DLG2: variants seen among roughly 807,000 people sequenced by gnomAD.
DLG2 encodes the protein discs large MAGUK scaffold protein 2.
DLG2 carries 45 observed loss-of-function variants against 132.5 expected under a neutral mutation model. The ratio of observed to expected loss-of-function variants is 0.34; its 90% CI spans 0.27 to 0.44. The LOEUF (loss-of-function observed/expected upper bound fraction) is 0.44. Among genes scored for constraint, DLG2 ranks in the 20% least tolerant of loss-of-function variants. DLG2 has a pLI of 1.00. For synonymous variants in DLG2, 424 were observed against 419.6 expected (o/e 1.01, Z -0.13); for missense variants, 1,045 against 1,196.9 (o/e 0.87, Z 1.87).
At chr11:85,441,974 A>C (rs1234174372) in intron 3 of DLG2, among the ~76,000 whole-genome samples, 1 of 152,170 alleles carries the variant, frequency 6.6e-6, no homozygotes, top group Non-Finnish European at 1.5e-5. Flanking sequence ...GACCAGAATG[A>C]TGAGAAGAAA....
intron 14 of DLG2, among the ~76,000 whole-genome samples, chr11:83,933,046 G>C (rs186867760): frequency 3.7e-4 from 57 of 152,248 alleles, no homozygotes; most frequent in African/African-American, 1.3e-3. Context: ...CCTAATACTG[G>C]GAGCCAGCAT....
chr11:84,137,642 C>T (rs1007736407), intron 9 of DLG2, among the ~76,000 whole-genome samples: 9 of 152,120 alleles, frequency 5.9e-5, no homozygotes, highest in Non-Finnish European at 1.2e-4. Context: ...GGGCACTCAA[C>T]ATAAACTAAT....
chr11:84,675,430 G>A (rs538715194), intron 6 of DLG2, among the ~76,000 whole-genome samples: 4 of 152,130 alleles, frequency 2.6e-5, no homozygotes, highest in East Asian at 1.9e-4. Flanking sequence ...TCAGGGATTC[G>A]AAGATATTTT....
chr11:84,371,237 A>T (rs1222327556), intron 7 of DLG2, among the ~76,000 whole-genome samples: 1 of 151,628 alleles, frequency 6.6e-6, no homozygotes, highest in East Asian at 1.9e-4. Flanking sequence ...AAAAGAAAAA[A>T]AATACATGTA....
chr11:85,142,538 A>G (rs1238728076), intron 5 of DLG2, among the ~76,000 whole-genome samples: 1 of 151,754 alleles, frequency 6.6e-6, no homozygotes, highest in Admixed American at 6.6e-5. Flanking sequence ...TTTCATTCCA[A>G]TTTGGATGCC....
chr11:84,827,666 T>A (rs2078494043), intron 6 of DLG2, among the ~76,000 whole-genome samples: 2 of 43,068 alleles, frequency 4.6e-5, no homozygotes, highest in Admixed American at 3.3e-4. Context: ...TGGAACTGAG[T>A]ACATACAGTC....
chr11:84,255,355 G>A (rs576525311), intron 7 of DLG2, among the ~76,000 whole-genome samples: 12 of 152,086 alleles, frequency 7.9e-5, no homozygotes, highest in African/African-American at 1.7e-4. Flanking sequence ...ATGGGGTCTC[G>A]CTCTATCACC....
chr11:85,458,376 C>T (rs966616805), intron 3 of DLG2, among the ~76,000 whole-genome samples: 2 of 152,086 alleles, frequency 1.3e-5, no homozygotes, highest in Admixed American at 1.3e-4. Context: ...TGGACTTTGA[C>T]ATTGTTTTCA....
intron 3 of DLG2, among the ~76,000 whole-genome samples, chr11:85,400,151 T>C (rs997961576): frequency 6.6e-6 from 1 of 152,136 alleles, no homozygotes; most frequent in East Asian, 1.9e-4. Context: ...CAAAAGAAGA[T>C]ATTTATGCAG....
intron 4 of DLG2, among the ~76,000 whole-genome samples, chr11:85,197,283 T>G (rs1305589220): frequency 6.6e-6 from 1 of 152,204 alleles, no homozygotes; most frequent in Non-Finnish European, 1.5e-5. Context: ...TCTGTTTTTT[T>G]CTTGATCCTA....
intron 3 of DLG2, among the ~76,000 whole-genome samples, chr11:85,488,549 A>G (rs534861181): frequency 6.6e-6 from 1 of 152,318 alleles, no homozygotes; most frequent in African/African-American, 2.4e-5. Flanking sequence ...GCAGTGTGAA[A>G]ACGGACCAAT....
chr11:85,432,179 C>A (rs1366898470), intron 3 of DLG2, among the ~76,000 whole-genome samples: 1 of 152,180 alleles, frequency 6.6e-6, no homozygotes, highest in African/African-American at 2.4e-5. Flanking sequence ...GATCAGCAGC[C>A]TCAAAGATCG....
At chr11:84,711,025 TATATATAG>T (rs1565735135) in intron 6 of DLG2, among the ~76,000 whole-genome samples, 8 of 100,510 alleles carry the variant, frequency 8.0e-5, no homozygotes, top group Admixed American at 4.5e-4. Flanking sequence ...TATATATATA[TATATATAG>T]AGCTGAAAAA....
chr11:84,757,781 C>T (rs562352571), intron 6 of DLG2, among the ~76,000 whole-genome samples: 18 of 152,224 alleles, frequency 1.2e-4, no homozygotes, highest in African/African-American at 4.3e-4. Flanking sequence ...CCCACCATGC[C>T]ATGTTGCTTC....
In DLG2 at chr11:84,463,195, A is replaced by C. The variant is rs370059186; in HGVS notation, c.519+71375T>G. Reference sequence around the variant, plus strand: ...TTTGCTTTCCTACTTTCCAGTGCTTAATTCTTTTCTCTTACCAGGCAGTGT... The same window carrying C: ...TTTGCTTTCCTACTTTCCAGTGCTTCATTCTTTTCTCTTACCAGGCAGTGT... On this transcript the variant is annotated intron_variant, in intron 7 of 27. Coordinates refer to ENST00000376104, the MANE Select transcript of DLG2 (RefSeq NM_001142699.3). 2.0e-5 allele frequency among the ~76,000 whole-genome samples: 3 copies of C among 151,154 alleles called. No individual in the cohort carries two copies. The East Asian group carries it at 5.9e-4, about 30-fold the overall frequency.
chr11:84,178,340 C>G (rs1451251198), intron 8 of DLG2, among the ~76,000 whole-genome samples: 1 of 152,084 alleles, frequency 6.6e-6, no homozygotes, highest in Non-Finnish European at 1.5e-5. Context: ...TTTAACAGAA[C>G]AATTTGGGTA....
At chr11:84,873,959 C>A (rs139634795) in intron 6 of DLG2, among the ~76,000 whole-genome samples, 90 of 152,314 alleles carry the variant, frequency 5.9e-4, no homozygotes, top group Middle Eastern at 3.4e-3. Flanking sequence ...CATCACCCTT[C>A]ACCTTACTGA....
intron 14 of DLG2, among the ~76,000 whole-genome samples, chr11:83,945,960 T>G (rs1054688446): frequency 5.3e-5 from 8 of 150,228 alleles, no homozygotes; most frequent in Non-Finnish European, 1.2e-4. Flanking sequence ...TTCCTTTCCT[T>G]CCTTCCTTTT....
At chr11:85,221,205 G>C (rs976998578) in intron 4 of DLG2, among the ~76,000 whole-genome samples, 3 of 151,888 alleles carry the variant, frequency 2.0e-5, no homozygotes, top group African/African-American at 7.3e-5. Context: ...ACCACACCCG[G>C]CTAATTTTTT....
Sources: allele counts gnomAD v4.1 joint callset (sites outside exome capture counted in the v4.1 genomes callset), GRCh38; gene constraint gnomAD v4.1.1; transcripts MANE v1.5; gene names NCBI Gene and HGNC (gene_info 2026-07-23, HGNC 2026-07-21).